The following TENM2 variants were observed in gnomAD, a reference collection of about 807,000 sequenced individuals.
TENM2 encodes the protein teneurin transmembrane protein 2.
Under a neutral mutation model 245.2 loss-of-function variants are expected in TENM2, and 52 were observed. That is an observed-to-expected ratio of 0.21 (90% confidence interval 0.17 to 0.27). The LOEUF (loss-of-function observed/expected upper bound fraction) is 0.27. Ranked by LOEUF, TENM2 falls within the 10% of genes least tolerant of loss-of-function variation. The pLI, the probability that TENM2 is intolerant of heterozygous loss-of-function variation, is 1.00. For synonymous variants in TENM2, 1,363 were observed against 1,438.9 expected, an observed-to-expected ratio of 0.95 and a Z score of 1.19; for missense variants, 3,046 against 3,666.8, an observed-to-expected ratio of 0.83 and a Z score of 4.37.
chr5:167,487,448 T>G (rs1007815078), intron 2 of TENM2, among the ~76,000 whole-genome samples: 37 of 152,140 alleles, frequency 2.4e-4, no homozygotes, highest in African/African-American at 8.4e-4. Context: ...TGTATTTATG[T>G]GTTTATATAT....
intron 2 of TENM2, among the ~76,000 whole-genome samples, chr5:167,606,254 G>A (rs1270137497): frequency 3.9e-5 from 6 of 152,148 alleles, no homozygotes; most frequent in African/African-American, 1.4e-4. Context: ...TAGACTGGGT[G>A]GTTCAAACAA....
At chr5:168,030,714 A>G (rs999100258) in intron 5 of TENM2, among the ~76,000 whole-genome samples, 22 of 152,342 alleles carry the variant, frequency 1.4e-4, no homozygotes, top group Admixed American at 3.3e-4. Context: ...ATGGAGCTCT[A>G]TGAAGCTACA....
chr5:167,910,345 A>G (rs1268851249), intron 3 of TENM2, among the ~76,000 whole-genome samples: 2 of 152,234 alleles, frequency 1.3e-5, no homozygotes, highest in African/African-American at 4.8e-5. Flanking sequence ...CAATAATCAC[A>G]GAAAATGACA....
intron 2 of TENM2, among the ~76,000 whole-genome samples, chr5:167,731,866 A>G (rs1176520465): frequency 6.6e-6 from 1 of 152,144 alleles, no homozygotes; most frequent in Non-Finnish European, 1.5e-5. Context: ...TGCTCATTAA[A>G]TATTTCTTAA....
chr5:167,067,751 T>C, the TENM2 span, among the ~76,000 whole-genome samples: 210 of 152,302 alleles, frequency 1.4e-3, 2 homozygotes, highest in African/African-American at 4.9e-3. Context: ...AGTTCTCTAA[T>C]GTATTGGTCA....
intron 2 of TENM2, among the ~76,000 whole-genome samples, chr5:167,499,156 T>C (rs1272088567): frequency 6.6e-6 from 1 of 152,146 alleles, no homozygotes; most frequent in Admixed American, 6.6e-5. Context: ...GGGACCTTTT[T>C]CTACTGCTGT....
At chr5:167,555,220 C>G (rs1773193721) in intron 2 of TENM2, among the ~76,000 whole-genome samples, 1 of 152,164 alleles carries the variant, frequency 6.6e-6, no homozygotes, top group Non-Finnish European at 1.5e-5. Flanking sequence ...CTACGACAAC[C>G]AAACACATGA....
chr5:167,955,152 C>G (rs578077455), intron 4 of TENM2, among the ~76,000 whole-genome samples: 3 of 152,248 alleles, frequency 2.0e-5, no homozygotes, highest in South Asian at 2.1e-4. Flanking sequence ...TTTCAATGAT[C>G]GCCATTGTAA....
At chr5:168,015,243 G>A (rs1307119323) in intron 5 of TENM2, among the ~76,000 whole-genome samples, 1 of 152,160 alleles carries the variant, frequency 6.6e-6, no homozygotes, top group Non-Finnish European at 1.5e-5. Context: ...GGAAATGATG[G>A]GAAAAAGCAA....
chr5:168,035,476 G>A (rs1453042502), intron 5 of TENM2, among the ~76,000 whole-genome samples: 12 of 145,184 alleles, frequency 8.3e-5, no homozygotes, highest in East Asian at 4.0e-4. Context: ...CAGCCTGGGC[G>A]ACAGAGGGAG....
At chr5:167,133,868 T>A in the TENM2 span, among the ~76,000 whole-genome samples, 14 of 152,060 alleles carry the variant, frequency 9.2e-5, no homozygotes, top group Admixed American at 9.2e-4. Flanking sequence ...TGAAATTAAC[T>A]AATTTTCATA....
chr5:167,117,896 T>C, the TENM2 span, among the ~76,000 whole-genome samples: 5 of 147,940 alleles, frequency 3.4e-5, no homozygotes, highest in Admixed American at 2.1e-4. Flanking sequence ...TCAACCCTGG[T>C]TGAGAACCAT....
At chr5:167,380,044 AAAG>A (rs1761004850) in intron 2 of TENM2, among the ~76,000 whole-genome samples, 1 of 152,062 alleles carries the variant, frequency 6.6e-6, no homozygotes, top group Admixed American at 6.6e-5. Flanking sequence ...ATACCATTAT[AAAG>A]AAGAGTATGA....
At chr5:167,465,735 G>T (rs1021189937) in intron 2 of TENM2, among the ~76,000 whole-genome samples, 4 of 152,186 alleles carry the variant, frequency 2.6e-5, no homozygotes, top group African/African-American at 9.6e-5. Flanking sequence ...GGAGGCTGAG[G>T]CAGGAGAATG....
At chr5:167,547,431 A>G (rs573584580) in intron 2 of TENM2, among the ~76,000 whole-genome samples, 1 of 152,372 alleles carries the variant, frequency 6.6e-6, no homozygotes, top group South Asian at 2.1e-4. Context: ...GCAGCGGCAC[A>G]TGAAGGGCAA....
At chr5:167,985,672 A>T (rs1360913497) in intron 4 of TENM2, among the ~76,000 whole-genome samples, 1 of 152,348 alleles carries the variant, frequency 6.6e-6, no homozygotes, top group East Asian at 1.9e-4. Flanking sequence ...TGTATAGTAC[A>T]TTTCTTTTCA....
At chr5:167,697,401 A>T (rs1386162512) in intron 2 of TENM2, among the ~76,000 whole-genome samples, 3 of 152,198 alleles carry the variant, frequency 2.0e-5, no homozygotes, top group Non-Finnish European at 4.4e-5. Context: ...TGTGTTCATT[A>T]GTTTAATATC....
chr5:167,432,758 C>T (rs1382119794), intron 2 of TENM2, among the ~76,000 whole-genome samples: 1 of 151,898 alleles, frequency 6.6e-6, no homozygotes, highest in Non-Finnish European at 1.5e-5. Context: ...CCCTCATTTC[C>T]ACCGCACATC....
exon 4 of TENM2, chr5:167,952,748 C>T (rs1345840608): frequency 6.3e-7 from 1 of 1,590,484 alleles, no homozygotes; most frequent in African/African-American, 1.3e-5. Flanking sequence ...CGCCCAATGA[C>T]CTGGCCACCA....
Sources: allele counts gnomAD v4.1 joint callset (sites outside exome capture counted in the v4.1 genomes callset), GRCh38; gene constraint gnomAD v4.1.1; transcripts MANE v1.5; gene names NCBI Gene and HGNC (gene_info 2026-07-23, HGNC 2026-07-21).